The following GREM1 variants were observed in gnomAD, a reference collection of about 807,000 sequenced individuals.
GREM1 encodes the protein gremlin-1.
GREM1 carries 6 observed loss-of-function variants against 13.1 expected under a neutral mutation model. The observed-to-expected ratio is 0.46, with a 90% CI of 0.25 to 0.91. GREM1 has a LOEUF of 0.91. Among genes scored for constraint, GREM1 ranks in the 40% least tolerant of loss-of-function variants. The pLI, the probability that GREM1 is intolerant of heterozygous loss-of-function variation, is 0.18. For missense variants in GREM1, 185 were observed against 233.9 expected, an observed-to-expected ratio of 0.79 and a Z score of 1.36; for synonymous variants, 98 against 93.7, an observed-to-expected ratio of 1.05 and a Z score of -0.27.
In GREM1 at chr15:32,741,825, C is replaced by G. The variant is rs2055764121; in HGVS notation, c.*10580C>G. 2 of 151,944 alleles carry G rather than the reference C, an allele frequency of 1.3e-5. No individual in the cohort carries two copies. Among genetic ancestry groups the G allele is most frequent in the Non-Finnish European group, 2.9e-5 (2 of 67,956 alleles). 9.4% of individuals were successfully genotyped at this position (151,944 alleles called of 1,614,324 possible). A position where few individuals can be genotyped will look rare whatever the true frequency, so the allele number is the denominator to read the frequency against. On this transcript the variant is annotated 3_prime_UTR_variant, in exon 2 of 2. Coordinates refer to ENST00000651154, the MANE Select transcript of GREM1 (RefSeq NM_013372.7). ...TATGGGTTTTTAAAAATATATATGA[C>G]CTTTATTAGGTTGAGGTACTTTTCC...
In GREM1 at chr15:32,730,850, G is replaced by A; in HGVS notation, c.160G>A (p.Gly54Ser). The change falls in exon 2 of 2, where the codon GGC (glycine) becomes AGC (serine). Residue 54 changes from glycine to serine, a missense_variant. Transcript: ENST00000651154. ...GCAGACTCAGTCGCCCCAGCAGCCT[G>A]GCTCCAGGAACCGGGGGCGGGGCCA... ...SEQTQSPQQP[G>S]SRNRGRGQGR... The A allele has an allele frequency of 6.2e-7, 1 of 1,613,734 alleles. No individual in the cohort carries two copies. The highest frequency in any genetic ancestry group is 8.5e-7 in the Non-Finnish European group (1 of 1,179,848).
In GREM1 at chr15:32,738,243, G is replaced by A. The variant is rs2055730464; in HGVS notation, c.*6998G>A. 6.6e-6 allele frequency: 1 copy of A among 151,616 alleles called. No homozygotes were observed. The allele number at this position is 151,616 out of a possible 1,614,324, so 9.4% of individuals were successfully genotyped here. On this transcript the variant is annotated 3_prime_UTR_variant, in exon 2 of 2. Transcript: ENST00000651154. ...AGGAATTTACAAAAGAACTATTAGA[G>A]CTAATACATGATTTCAGCAAGGTTG...
chr15:32,729,869 T>G (rs1479232693), intron 1 of GREM1, among the ~76,000 whole-genome samples: 1 of 152,236 alleles, frequency 6.6e-6, no homozygotes, highest in East Asian at 1.9e-4. Context: ...ACATTGAGTA[T>G]CTGTGCCCAG....
intron 1 of GREM1, among the ~76,000 whole-genome samples, chr15:32,724,025 G>A (rs2055455777): frequency 6.6e-6 from 1 of 152,188 alleles, no homozygotes; most frequent in South Asian, 2.1e-4. Flanking sequence ...GTAAATCAAT[G>A]AGGTTCATAA....
chr15:32,727,124 T>C lies in GREM1; in HGVS notation c.-1-3566T>C, dbSNP rs538802752. Among the ~76,000 whole-genome samples the C allele has an allele frequency of 8.6e-5, 13 of 152,032 alleles. No individual in the cohort carries two copies. In the South Asian group the frequency reaches 2.5e-3, roughly 29 times the overall value. On this transcript the variant is annotated intron_variant, in intron 1 of 1. Transcript: ENST00000651154. ...TTCCTTCTGAAACTATTCCAAACAA[T>C]AGAAAAAGAAGGACTCCTCCCTAAC...
Position 32,740,363 on chromosome 15 carries a change from A to C in GREM1, c.*9118A>C, listed in dbSNP as rs959714475. 5.3e-5 allele frequency: 8 copies of C among 152,246 alleles called. No homozygotes were observed. Among genetic ancestry groups the C allele is most frequent in the African/African-American group, 1.9e-4 (8 of 41,472 alleles). 9.4% of individuals were successfully genotyped at this position (152,246 alleles called of 1,614,324 possible). ...CTCACCAGAGTCAAGAGAACAATGC[A>C]TGAAAAAAGTTAAGAATTTTGACAA... On this transcript the variant is annotated 3_prime_UTR_variant, in exon 2 of 2. Coordinates refer to ENST00000651154, the MANE Select transcript of GREM1 (RefSeq NM_013372.7).
chr15:32,718,333 G>GTCACGGTGT, intron 1 of GREM1, 172 bp downstream of exon 1: 1 of 538,202 alleles, frequency 1.9e-6, no homozygotes, highest in Non-Finnish European at 3.5e-6. Flanking sequence ...TCCTGCTGAG[G>GTCACGGTGT]CCGCGGACAC....
At chr15:32,726,664 A>C (rs886717295) in intron 1 of GREM1, among the ~76,000 whole-genome samples, 2 of 151,814 alleles carry the variant, frequency 1.3e-5, no homozygotes, top group African/African-American at 4.8e-5. Flanking sequence ...ACTGAAGGAG[A>C]TAGAGACACA....
rs1034819274 is a variant in GREM1, at chr15:32,742,535, A to G, written c.*11290A>G. On this transcript the variant is annotated 3_prime_UTR_variant, in exon 2 of 2. Coordinates refer to ENST00000651154, the MANE Select transcript of GREM1 (RefSeq NM_013372.7). ...CAGAAATAGAATAATTCTAAAATTCATCTGAAGCCACAAAAGACAATGAAT... is the reference window on the plus strand; with the variant it reads ...CAGAAATAGAATAATTCTAAAATTCGTCTGAAGCCACAAAAGACAATGAAT... The G allele has an allele frequency of 6.6e-6, 1 of 152,234 alleles. No homozygotes were observed. The highest frequency in any genetic ancestry group is 1.5e-5 in the Non-Finnish European group (1 of 68,026). 9.4% of individuals were successfully genotyped at this position (152,234 alleles called of 1,614,324 possible).
At position 32,731,584 on chromosome 15, in the gene GREM1, C is replaced by T; in HGVS notation, c.*339C>T. ...GGTTCTGACTTTGTGTTTTTGTGCC[C>T]TCCTGGGGACCAGAATCTCCTTTCG... On this transcript the variant is annotated 3_prime_UTR_variant, in exon 2 of 2. Transcript: ENST00000651154. The T allele has an allele frequency of 2.9e-6, 1 of 350,780 alleles. No homozygotes were observed. Among genetic ancestry groups the T allele is most frequent in the African/African-American group, 2.1e-5 (1 of 48,122 alleles). 21.7% of individuals were successfully genotyped at this position (350,780 alleles called of 1,614,324 possible). A position where few individuals can be genotyped will look rare whatever the true frequency, so the allele number is the denominator to read the frequency against.
rs1265669767 is a variant in GREM1, at chr15:32,740,308, A to C, written c.*9063A>C. The C allele has an allele frequency of 1.3e-5, 2 of 152,246 alleles. No homozygotes were observed. The highest frequency in any genetic ancestry group is 2.4e-5 in the African/African-American group (1 of 41,482). 9.4% of individuals were successfully genotyped at this position (152,246 alleles called of 1,614,324 possible). Reference sequence around the variant, plus strand: ...AATAAACTTATGTGATTTACCTGACAGAGAATTCAGAATAGCTCTCATAAA... The same window carrying C: ...AATAAACTTATGTGATTTACCTGACCGAGAATTCAGAATAGCTCTCATAAA... On this transcript the variant is annotated 3_prime_UTR_variant, in exon 2 of 2. Coordinates refer to ENST00000651154, the MANE Select transcript of GREM1 (RefSeq NM_013372.7).
chr15:32,738,221 A>G lies in GREM1; in HGVS notation c.*6976A>G, dbSNP rs2055730348. On this transcript the variant is annotated 3_prime_UTR_variant, in exon 2 of 2. Transcript: ENST00000651154. ...AATATTGTATGTAGAAATCCTAAGG[A>G]ATTTACAAAAGAACTATTAGAGCTA... The G allele has an allele frequency of 6.6e-6, 1 of 151,798 alleles. No individual in the cohort carries two copies. Among genetic ancestry groups the G allele is most frequent in the Admixed American group, 6.6e-5 (1 of 15,248 alleles). 9.4% of individuals were successfully genotyped at this position (151,798 alleles called of 1,614,324 possible). A position where few individuals can be genotyped will look rare whatever the true frequency, so the allele number is the denominator to read the frequency against.
chr15:32,739,020 T>A lies in GREM1; in HGVS notation c.*7775T>A, dbSNP rs952142034. The A allele has an allele frequency of 1.3e-5, 2 of 152,204 alleles. No individual in the cohort carries two copies. The highest frequency in any genetic ancestry group is 2.9e-5 in the Non-Finnish European group (2 of 68,030). 9.4% of individuals were successfully genotyped at this position (152,204 alleles called of 1,614,324 possible). A position where few individuals can be genotyped will look rare whatever the true frequency, so the allele number is the denominator to read the frequency against. On this transcript the variant is annotated 3_prime_UTR_variant, in exon 2 of 2. Coordinates refer to ENST00000651154, the MANE Select transcript of GREM1 (RefSeq NM_013372.7). ...GAACTAACAGGATATCTGCTGTCACTATTTTTATTCAATATTGTTCTGGAG... is the reference window on the plus strand; with the variant it reads ...GAACTAACAGGATATCTGCTGTCACAATTTTTATTCAATATTGTTCTGGAG...
intron 1 of GREM1, among the ~76,000 whole-genome samples, chr15:32,724,946 C>T (rs950875323): frequency 3.3e-5 from 5 of 152,120 alleles, no homozygotes; most frequent in Non-Finnish European, 7.3e-5. Context: ...GCTTCATCCA[C>T]GTCCCTGCAA....
rs1487337662 is a variant in GREM1 at position 32,736,623 on chromosome 15, G to A, written c.*5378G>A. On this transcript the variant is annotated 3_prime_UTR_variant, in exon 2 of 2. Transcript: ENST00000651154. ...TGAATTATTGATTCCAAGTGTTTGA[G>A]GAAATCCGTGTACAACTATTAGATG... The A allele has an allele frequency of 6.6e-6, 1 of 152,116 alleles. No homozygotes were observed. The highest frequency in any genetic ancestry group is 1.5e-5 in the Non-Finnish European group (1 of 68,032). The allele number at this position is 152,116 out of a possible 1,614,324, so 9.4% of individuals were successfully genotyped here.
In GREM1 at chr15:32,744,072, A is replaced by T. The variant is rs2055784811; in HGVS notation, c.*12827A>T. 1 of 152,138 alleles carries T rather than the reference A, an allele frequency of 6.6e-6. No individual in the cohort carries two copies. Among genetic ancestry groups the T allele is most frequent in the South Asian group, 2.1e-4 (1 of 4,818 alleles). 9.4% of individuals were successfully genotyped at this position (152,138 alleles called of 1,614,324 possible). A position where few individuals can be genotyped will look rare whatever the true frequency, so the allele number is the denominator to read the frequency against. ...TTGCTTTATCTTATTTGTTAGAGCA[A>T]GTCACTAAATTTGCCCACATCTAAG... On this transcript the variant is annotated 3_prime_UTR_variant, in exon 2 of 2. Transcript: ENST00000651154.
At chr15:32,719,224 T>G (rs1191779518) in intron 1 of GREM1, among the ~76,000 whole-genome samples, 1 of 152,236 alleles carries the variant, frequency 6.6e-6, no homozygotes, top group Non-Finnish European at 1.5e-5. Flanking sequence ...CGGAGTTATT[T>G]GTAGACTACA....
Position 32,736,268 on chromosome 15 carries a change from C to T in GREM1, c.*5023C>T, listed in dbSNP as rs2055696613. 1 of 152,100 alleles carries T rather than the reference C, an allele frequency of 6.6e-6. No individual in the cohort carries two copies. Among genetic ancestry groups the T allele is most frequent in the African/African-American group, 2.4e-5 (1 of 41,412 alleles). The allele number at this position is 152,100 out of a possible 1,614,324, so 9.4% of individuals were successfully genotyped here. On this transcript the variant is annotated 3_prime_UTR_variant, in exon 2 of 2. Coordinates refer to ENST00000651154, the MANE Select transcript of GREM1 (RefSeq NM_013372.7). ...AGGCAATTGATTCTCTTTGTGGCTGCCTGGGGTAATGTATAACAGTTGGGG... is the reference window on the plus strand; with the variant it reads ...AGGCAATTGATTCTCTTTGTGGCTGTCTGGGGTAATGTATAACAGTTGGGG...
rs2055324405 is a variant in GREM1 at position 32,718,069 on chromosome 15, T to C, written c.-94T>C. ...GCCGCCGCGTCACTCTCGGTCCCGC[T>C]GACCCCGCGCCGAGCCCCGGCGGCT... On this transcript the variant is annotated 5_prime_UTR_variant, in exon 1 of 2. Transcript: ENST00000651154. 8.2e-7 allele frequency: 1 copy of C among 1,212,888 alleles called. No individual in the cohort carries two copies. 75.1% of individuals were successfully genotyped at this position (1,212,888 alleles called of 1,614,324 possible).
Sources: allele counts gnomAD v4.1 joint callset (sites outside exome capture counted in the v4.1 genomes callset), GRCh38; gene constraint gnomAD v4.1.1; transcripts MANE v1.5; gene names NCBI Gene and HGNC (gene_info 2026-07-23, HGNC 2026-07-21).